The following FAM185A variants were observed in gnomAD, a reference collection of about 807,000 sequenced individuals.
FAM185A encodes the protein protein FAM185A.
In FAM185A, 21 loss-of-function variants were observed where a neutral mutation model predicts 45.7. The ratio of observed to expected loss-of-function variants is 0.46; its 90% CI spans 0.33 to 0.66. The LOEUF (loss-of-function observed/expected upper bound fraction) is 0.66, where lower values mean the gene tolerates loss of function less well. FAM185A is among the 30% of genes least tolerant of loss of function. FAM185A has a pLI of 0.03. For missense variants in FAM185A, 305 were observed against 485.4 expected, an observed-to-expected ratio of 0.63 and a Z score of 3.49; for synonymous variants, 117 against 194.0, an observed-to-expected ratio of 0.60 and a Z score of 3.30.
At chr7:102,812,844 T>G (rs1316332872), downstream of FAM185A, among the ~76,000 whole-genome samples, 1 of 147,984 alleles carries the variant, frequency 6.8e-6, no homozygotes, top group African/African-American at 2.5e-5. Flanking sequence ...TGGCTTCTTT[T>G]TTTTTTTTTT....
chr7:102,790,869 C>T (rs537041551), intron 7 of FAM185A, among the ~76,000 whole-genome samples: 3 of 152,206 alleles, frequency 2.0e-5, no homozygotes, highest in African/African-American at 7.2e-5. Flanking sequence ...TGCTCAGTTA[C>T]TCAACAAATG....
At chr7:102,787,934 C>T (rs2129441739) in intron 7 of FAM185A, among the ~76,000 whole-genome samples, 1 of 152,252 alleles carries the variant, frequency 6.6e-6, no homozygotes, top group Non-Finnish European at 1.5e-5. Flanking sequence ...ACACTGGTGG[C>T]TGATACTATT....
the FAM185A span, among the ~76,000 whole-genome samples, chr7:102,847,384 C>T: frequency 7.9e-5 from 12 of 152,154 alleles, no homozygotes; most frequent in African/African-American, 2.9e-4. Context: ...CCCACATTCC[C>T]TAAATTATAT....
At chr7:102,836,286 G>A in the FAM185A span, among the ~76,000 whole-genome samples, 1 of 152,180 alleles carries the variant, frequency 6.6e-6, no homozygotes, top group East Asian at 1.9e-4. Flanking sequence ...TTGGTCTAAG[G>A]CTTTATGCTA....
chr7:102,809,349 T>C (rs1189855163), downstream of FAM185A: 1 of 152,210 alleles, frequency 6.6e-6, no homozygotes, highest in Non-Finnish European at 1.5e-5. Flanking sequence ...TGTATAAAGA[T>C]ATTTTATGAA....
rs2129431568 is a variant in FAM185A at position 102,751,848 on chromosome 7, CTT to C, written c.561+48_561+49del. ...ATTTCACTATTATTTTTTTAAAAGC[CTT>C]AAGCTATGAATCGTACTATCAAACT... On this transcript the variant is annotated intron_variant, in intron 2 of 7. Transcript: ENST00000413034. 15 of 1,121,710 alleles carry C rather than the reference CTT, an allele frequency of 1.3e-5. No individual in the cohort carries two copies. In the South Asian group the frequency reaches 2.4e-4, roughly 18 times the overall value. 69.5% of individuals were successfully genotyped at this position (1,121,710 alleles called of 1,614,324 possible). A position where few individuals can be genotyped will look rare whatever the true frequency, so the allele number is the denominator to read the frequency against.
At chr7:102,841,486 A>G in the FAM185A span, among the ~76,000 whole-genome samples, 1 of 152,238 alleles carries the variant, frequency 6.6e-6, no homozygotes, top group Non-Finnish European at 1.5e-5. Context: ...AGTGGGCAAG[A>G]AGCCAGGACT....
rs1793197309 is a variant in FAM185A, at chr7:102,749,418, G to C, written c.211G>C (p.Val71Leu). The change falls in exon 1 of 8, where the codon GTG becomes CTG. Residue 71 changes from valine to leucine, a missense_variant. Val to Leu is a conservative substitution (Grantham distance 32, BLOSUM62 1). Around this residue, in one of 5 missense-constraint regions of FAM185A, gnomAD observed 174 missense variants for 247.1 expected, o/e 0.70. Transcript: ENST00000413034. ...RRTLKEWTLQ[V>L]SPFGRLRARL... Reference sequence around the variant, plus strand: ...AACTCTGAAGGAGTGGACACTGCAGGTGAGCCCGTTTGGTCGGCTGCGGGC... The same window carrying C: ...AACTCTGAAGGAGTGGACACTGCAGCTGAGCCCGTTTGGTCGGCTGCGGGC... 2 of 1,548,306 alleles carry C rather than the reference G, an allele frequency of 1.3e-6. No homozygotes were observed. The highest frequency in any genetic ancestry group is 4.9e-5 in the East Asian group (2 of 40,904).
chr7:102,773,438 A>C (rs1245654637), intron 5 of FAM185A, among the ~76,000 whole-genome samples: 2 of 152,110 alleles, frequency 1.3e-5, no homozygotes, highest in Non-Finnish European at 2.9e-5. Flanking sequence ...TAGAAGGCTT[A>C]ATTTGTTCAT....
the FAM185A span, among the ~76,000 whole-genome samples, chr7:102,838,758 C>T: frequency 1.6e-3 from 249 of 152,228 alleles, 1 homozygote; most frequent in Non-Finnish European, 2.3e-3. Context: ...TAAAAGTCAT[C>T]GCCATTCTGC....
the FAM185A span, among the ~76,000 whole-genome samples, chr7:102,844,304 G>A: frequency 3.5e-3 from 531 of 152,188 alleles, 3 homozygotes; most frequent in African/African-American, 0.012. Context: ...CTGAATCTTC[G>A]CCTCCCCTCC....
At chr7:102,826,754 T>TATATATATATATATAC in the FAM185A span, among the ~76,000 whole-genome samples, 1 of 114,240 alleles carries the variant, frequency 8.8e-6, no homozygotes, top group Non-Finnish European at 1.8e-5. Flanking sequence ...TATATATATA[T>TATATATATATATATAC]ATATATATAT....
intron 3 of FAM185A, 52 bp from the exon 4 acceptor site, chr7:102,761,221 C>T: frequency 1.3e-6 from 2 of 1,491,606 alleles, no homozygotes; most frequent in Middle Eastern, 1.8e-4. Flanking sequence ...AGCATTTTGG[C>T]TTTTTACCAG....
the FAM185A span, among the ~76,000 whole-genome samples, chr7:102,838,286 A>C: frequency 6.6e-6 from 1 of 152,208 alleles, no homozygotes; most frequent in Non-Finnish European, 1.5e-5. Context: ...CACCTACTTC[A>C]TAGAGTTGTT....
intron 7 of FAM185A, among the ~76,000 whole-genome samples, chr7:102,798,800 T>C (rs911512188): frequency 4.6e-5 from 7 of 152,050 alleles, no homozygotes; most frequent in Non-Finnish European, 1.0e-4. Flanking sequence ...CAGACTGGAG[T>C]GCAATGGCAC....
chr7:102,793,207 TTTTGTTG>T (rs1562872812), intron 7 of FAM185A, among the ~76,000 whole-genome samples: 1 of 151,456 alleles, frequency 6.6e-6, no homozygotes, highest in African/African-American at 2.4e-5. Context: ...GGTGTTTTTT[TTTTGTTG>T]TTGTTGTTGT....
chr7:102,777,343 A>G lies in FAM185A; in HGVS notation c.926A>G (p.His309Arg). 1 of 1,524,834 alleles carries G rather than the reference A, an allele frequency of 6.6e-7. No individual in the cohort carries two copies. Among genetic ancestry groups the G allele is most frequent in the Non-Finnish European group, 8.8e-7 (1 of 1,132,040 alleles). 94.5% of individuals were successfully genotyped at this position (1,524,834 alleles called of 1,614,324 possible). Reference protein sequence around the residue: ...SQLGKVELKSHKGSIIVKVPS... With the variant: ...SQLGKVELKSRKGSIIVKVPS... ...CTGGGGAAAGTGGAATTGAAATCCC[A>G]TAAAGGTTAGTGAACTGGAATGTTT... The change falls in exon 6 of 8, where the codon CAT (histidine) becomes CGT (arginine). Residue 309 changes from histidine (H) to arginine (R), a missense_variant. By Grantham distance (29) the His-to-Arg change is conservative (BLOSUM62 0). This residue lies in a region of FAM185A where 9 missense variants were observed against 50.5 expected (regional missense o/e 0.18). Transcript: ENST00000413034.
At chr7:102,848,137 T>A in the FAM185A span, among the ~76,000 whole-genome samples, 1 of 152,228 alleles carries the variant, frequency 6.6e-6, no homozygotes, top group Non-Finnish European at 1.5e-5. Flanking sequence ...TTTCTCCTGC[T>A]AATGACATTA....
the FAM185A span, among the ~76,000 whole-genome samples, chr7:102,816,988 T>C: frequency 6.6e-6 from 1 of 152,232 alleles, no homozygotes; most frequent in Non-Finnish European, 1.5e-5. Context: ...TGTACCACAT[T>C]TTCTTTATCC....
Sources: allele counts gnomAD v4.1 joint callset (sites outside exome capture counted in the v4.1 genomes callset), GRCh38; gene constraint gnomAD v4.1.1; regional missense constraint gnomAD v4.1.1; transcripts MANE v1.5; gene names NCBI Gene and HGNC (gene_info 2026-07-23, HGNC 2026-07-21).